GRID2: variants seen among roughly 807,000 people sequenced by gnomAD.
GRID2 encodes the protein glutamate ionotropic receptor delta type subunit 2.
GRID2 carries 33 observed loss-of-function variants against 114.8 expected under a neutral mutation model. That is an observed-to-expected ratio of 0.29 (90% CI 0.22 to 0.38). The LOEUF is 0.38. Ranked by LOEUF, GRID2 falls within the 10% of genes least tolerant of loss-of-function variation. The pLI is 1.00. For missense variants in GRID2, 1,184 were observed against 1,257.7 expected, an observed-to-expected ratio of 0.94 and a Z score of 0.89; for synonymous variants, 505 against 449.9, an observed-to-expected ratio of 1.12 and a Z score of -1.55.
chr4:92,617,989 T>G (rs1246367821), intron 2 of GRID2, among the ~76,000 whole-genome samples: 1 of 151,706 alleles, frequency 6.6e-6, no homozygotes, highest in East Asian at 1.9e-4. Context: ...GTTAATTGTT[T>G]CCTTTGCAGT....
chr4:92,984,487 A>G (rs1754390376), intron 2 of GRID2, among the ~76,000 whole-genome samples: 1 of 152,250 alleles, frequency 6.6e-6, no homozygotes, highest in Non-Finnish European at 1.5e-5. Context: ...TCTTGGACAC[A>G]GTACAGTTGC....
At chr4:93,564,235 G>A (rs373029314) in intron 13 of GRID2, among the ~76,000 whole-genome samples, 43 of 152,074 alleles carry the variant, frequency 2.8e-4, no homozygotes, top group African/African-American at 7.5e-4. Flanking sequence ...TTGATTTTGC[G>A]TGATTGGCAT....
chr4:93,568,308 T>C (rs886866050), intron 13 of GRID2, among the ~76,000 whole-genome samples: 1 of 152,196 alleles, frequency 6.6e-6, no homozygotes, highest in African/African-American at 2.4e-5. Flanking sequence ...AAGACATGAT[T>C]TTCCCCCTGA....
In GRID2 at chr4:92,349,876, A is replaced by T. The variant is rs574356859; in HGVS notation, c.88+45132A>T. On this transcript the variant is annotated intron_variant, in intron 1 of 15. Coordinates refer to ENST00000282020, the MANE Select transcript of GRID2 (RefSeq NM_001510.4). ...GTAAGCCAAACACTTTCATAACCACATCAAGGTAAATAAATGGAATTTTAC... is the reference window on the plus strand; with the variant it reads ...GTAAGCCAAACACTTTCATAACCACTTCAAGGTAAATAAATGGAATTTTAC... 3.9e-5 allele frequency among the ~76,000 whole-genome samples: 6 copies of T among 152,010 alleles called. No homozygotes were observed. The South Asian group carries it at 1.2e-3, about 31-fold the overall frequency.
chr4:93,173,691 G>A (rs113200855), intron 4 of GRID2, among the ~76,000 whole-genome samples: 8,145 of 152,086 alleles, frequency 0.054, 611 homozygotes, highest in African/African-American at 0.17. Flanking sequence ...GTGCAGTGGT[G>A]TGATCATGGC....
intron 2 of GRID2, among the ~76,000 whole-genome samples, chr4:93,076,151 G>A (rs897447679): frequency 6.6e-6 from 1 of 152,008 alleles, no homozygotes; most frequent in Non-Finnish European, 1.5e-5. Flanking sequence ...GCCTGCCTCA[G>A]CCTCCCAAAG....
intron 5 of GRID2, among the ~76,000 whole-genome samples, chr4:93,210,896 A>G (rs991944597): frequency 1.3e-5 from 2 of 152,004 alleles, no homozygotes; most frequent in African/African-American, 2.4e-5. Context: ...TTTTTATTTC[A>G]CATCCTACTT....
chr4:93,362,383 A>C (rs2149276770), intron 8 of GRID2, among the ~76,000 whole-genome samples: 1 of 151,762 alleles, frequency 6.6e-6, no homozygotes, highest in African/African-American at 2.4e-5. Flanking sequence ...TGGATTGGGG[A>C]TCTGGCTTTC....
chr4:92,329,048 G>GTA (rs1050687238), intron 1 of GRID2, among the ~76,000 whole-genome samples: 17 of 151,906 alleles, frequency 1.1e-4, no homozygotes, highest in African/African-American at 3.1e-4. Context: ...GTGTGCACGT[G>GTA]TATATATATG....
At chr4:93,711,278 TA>T (rs1356385800) in intron 14 of GRID2, among the ~76,000 whole-genome samples, 3 of 152,182 alleles carry the variant, frequency 2.0e-5, no homozygotes, top group African/African-American at 7.2e-5. Flanking sequence ...AAGGGCTTTT[TA>T]GTCAGCAAGT....
chr4:93,168,653 C>T (rs941949325), intron 4 of GRID2, among the ~76,000 whole-genome samples: 2 of 151,764 alleles, frequency 1.3e-5, no homozygotes, highest in Non-Finnish European at 2.9e-5. Flanking sequence ...TTGCTCTTAG[C>T]AAAAATAAAA....
exon 2 of GRID2, chr4:93,810,083 A>T (rs1317610819): frequency 6.6e-6 from 1 of 152,232 alleles, no homozygotes; most frequent in Non-Finnish European, 1.5e-5. Context: ...CCAAATTAAG[A>T]TGTTGGAACA....
At chr4:92,631,954 A>T (rs1348538966) in intron 2 of GRID2, among the ~76,000 whole-genome samples, 1 of 152,166 alleles carries the variant, frequency 6.6e-6, no homozygotes, top group African/African-American at 2.4e-5. Flanking sequence ...ACTTTGTGTT[A>T]CTGTAATCAA....
chr4:93,493,309 C>T (rs1193884217), intron 12 of GRID2, among the ~76,000 whole-genome samples: 1 of 151,786 alleles, frequency 6.6e-6, no homozygotes, highest in East Asian at 1.9e-4. Context: ...TCATGGTTAA[C>T]ATTGACTGAG....
At chr4:93,167,878 G>A (rs891908824) in intron 4 of GRID2, among the ~76,000 whole-genome samples, 1 of 151,968 alleles carries the variant, frequency 6.6e-6, no homozygotes, top group African/African-American at 2.4e-5. Flanking sequence ...ACTTAGGGTG[G>A]TGGTGGTGAG....
intron 2 of GRID2, among the ~76,000 whole-genome samples, chr4:93,039,403 C>A (rs1395725270): frequency 6.6e-6 from 1 of 152,028 alleles, no homozygotes; most frequent in Non-Finnish European, 1.5e-5. Context: ...ACCACCATGG[C>A]ACATGTATAC....
chr4:93,596,952 T>C (rs191701169), intron 13 of GRID2, among the ~76,000 whole-genome samples: 16 of 152,338 alleles, frequency 1.1e-4, no homozygotes, highest in African/African-American at 3.6e-4. Context: ...ATATTCGGCA[T>C]TTTGATGCAA....
intron 4 of GRID2, among the ~76,000 whole-genome samples, chr4:93,173,303 G>A (rs1283958615): frequency 6.6e-6 from 1 of 151,964 alleles, no homozygotes; most frequent in Non-Finnish European, 1.5e-5. Flanking sequence ...CCATTTTTAA[G>A]AACTGAGAAT....
intron 2 of GRID2, among the ~76,000 whole-genome samples, chr4:93,031,417 C>G (rs1402947948): frequency 6.6e-6 from 1 of 152,096 alleles, no homozygotes; most frequent in East Asian, 1.9e-4. Context: ...TAATTCTTCC[C>G]CTGCTGCCTG....
Sources: gnomAD v4.1 joint callset for allele counts (sites outside exome capture counted in the v4.1 genomes callset) on GRCh38, gnomAD v4.1.1 for gene constraint, MANE v1.5 for transcripts, NCBI Gene and HGNC (gene_info 2026-07-23, HGNC 2026-07-21) for gene names.